CDH1: variants seen among roughly 807,000 people sequenced by gnomAD.
The protein encoded by CDH1 is cadherin 1, also known as cadherin-1.
Under a neutral mutation model 84.5 loss-of-function variants are expected in CDH1, and 35 were observed. The ratio of observed to expected loss-of-function variants is 0.41; its 90% confidence interval spans 0.32 to 0.55. The LOEUF (loss-of-function observed/expected upper bound fraction) is 0.55, where lower values mean the gene tolerates loss of function less well. Among genes scored for constraint, CDH1 ranks in the 20% least tolerant of loss-of-function variants. CDH1 has a pLI of 0.19. For missense variants in CDH1, 994 were observed against 1,126.6 expected, an observed-to-expected ratio of 0.88 and a Z score of 1.68; for synonymous variants, 417 against 439.0, an observed-to-expected ratio of 0.95 and a Z score of 0.63.
At chr16:68,784,186 T>A (rs138344632) in intron 2 of CDH1, among the ~76,000 whole-genome samples, 70 of 151,924 alleles carry the variant, frequency 4.6e-4, no homozygotes, top group African/African-American at 1.4e-3. Flanking sequence ...TTTATGCATG[T>A]AAAATCTATA....
At chr16:68,802,802 T>A (rs907537856) in intron 3 of CDH1, among the ~76,000 whole-genome samples, 1 of 152,106 alleles carries the variant, frequency 6.6e-6, no homozygotes, top group African/African-American at 2.4e-5. Context: ...TTTTGCTTTT[T>A]GTGCTTCCAG....
intron 13 of CDH1, among the ~76,000 whole-genome samples, chr16:68,826,005 A>C (rs1019782581): frequency 4.0e-5 from 6 of 151,656 alleles, no homozygotes; most frequent in Non-Finnish European, 7.4e-5. Context: ...TTTTTTGTAG[A>C]AACAGTGTTT....
chr16:68,740,735 C>T (rs1387371395), intron 2 of CDH1, among the ~76,000 whole-genome samples: 1 of 152,048 alleles, frequency 6.6e-6, no homozygotes, highest in Non-Finnish European at 1.5e-5. Flanking sequence ...AATAGTGACA[C>T]GTATTCACTT....
At chr16:68,776,661 C>T (rs1364863214) in intron 2 of CDH1, among the ~76,000 whole-genome samples, 1 of 152,134 alleles carries the variant, frequency 6.6e-6, no homozygotes, top group Non-Finnish European at 1.5e-5. Flanking sequence ...TGAGTTCCTG[C>T]ACCTGGCATA....
At chr16:68,784,492 G>A (rs1053786412) in intron 2 of CDH1, among the ~76,000 whole-genome samples, 7 of 151,778 alleles carry the variant, frequency 4.6e-5, no homozygotes, top group South Asian at 2.1e-4. Context: ...CCTTTCCACC[G>A]CCCACATGGA....
intron 10 of CDH1, among the ~76,000 whole-genome samples, chr16:68,816,760 A>C (rs1362153482): frequency 2.0e-5 from 3 of 150,138 alleles, no homozygotes; most frequent in Non-Finnish European, 4.5e-5. Flanking sequence ...AAAACAAAAA[A>C]CAAAAAAACT....
intron 13 of CDH1, 86 bp downstream of exon 13, chr16:68,823,712 T>A: frequency 1.1e-6 from 1 of 883,928 alleles, no homozygotes; most frequent in Non-Finnish European, 1.8e-6. Context: ...GTTCTTATAT[T>A]AATAAGGATA....
intron 2 of CDH1, among the ~76,000 whole-genome samples, chr16:68,784,042 C>T (rs756784967): frequency 6.6e-6 from 1 of 152,110 alleles, no homozygotes; most frequent in South Asian, 2.1e-4. Context: ...TTATCCAGCC[C>T]TCTGTCAATG....
At chr16:68,771,887 G>A (rs1959589924) in intron 2 of CDH1, among the ~76,000 whole-genome samples, 3 of 152,210 alleles carry the variant, frequency 2.0e-5, no homozygotes, top group Middle Eastern at 3.4e-3. Flanking sequence ...AGCCCATTGA[G>A]CTTTTATTCT....
intron 5 of CDH1, among the ~76,000 whole-genome samples, chr16:68,809,687 A>G (rs556947271): frequency 6.6e-6 from 1 of 151,906 alleles, no homozygotes; most frequent in South Asian, 2.1e-4. Context: ...CACCACACCC[A>G]GTTAATTTTT....
chr16:68,834,464 G>A lies in CDH1; in HGVS notation c.*965G>A, dbSNP rs934915232. ...ACTCCTGGCCTCAAGCAATCCTTCT[G>A]CCTTGGCCCCCCAAAGTGCTGGGAT... On this transcript the variant is annotated 3_prime_UTR_variant, in exon 16 of 16. Coordinates refer to ENST00000261769, the MANE Select transcript of CDH1 (RefSeq NM_004360.5). The A allele has an allele frequency of 9.2e-5, 29 of 316,358 alleles. No homozygotes were observed. Among genetic ancestry groups the A allele is most frequent in the African/African-American group, 6.2e-4 (29 of 46,540 alleles). 19.6% of individuals were successfully genotyped at this position (316,358 alleles called of 1,614,324 possible).
chr16:68,805,404 G>C (rs559645609), intron 3 of CDH1, among the ~76,000 whole-genome samples: 1 of 152,260 alleles, frequency 6.6e-6, no homozygotes, highest in South Asian at 2.1e-4. Context: ...GAAAATGTTA[G>C]TGTGATGTTT....
At chr16:68,800,902 C>G (rs753970947) in intron 2 of CDH1, among the ~76,000 whole-genome samples, 3 of 152,194 alleles carry the variant, frequency 2.0e-5, no homozygotes, top group Admixed American at 6.5e-5. Flanking sequence ...CTTTGTCCAT[C>G]TCTTCCTCAG....
At chr16:68,751,778 T>G (rs1381475836) in intron 2 of CDH1, among the ~76,000 whole-genome samples, 1 of 148,590 alleles carries the variant, frequency 6.7e-6, no homozygotes, top group Non-Finnish European at 1.5e-5. Flanking sequence ...GCTGGGATTA[T>G]AGGGATGAGC....
intron 13 of CDH1, among the ~76,000 whole-genome samples, chr16:68,824,474 A>G (rs1331703836): frequency 6.6e-6 from 1 of 152,160 alleles, no homozygotes; most frequent in Non-Finnish European, 1.5e-5. Flanking sequence ...GAGGAAGTGG[A>G]GGCCAAACGA....
intron 10 of CDH1, among the ~76,000 whole-genome samples, chr16:68,816,675 A>C (rs74322040): frequency 0.017 from 2,575 of 152,192 alleles, 41 homozygotes; most frequent in Non-Finnish European, 0.025. Context: ...CTTGAACCCA[A>C]AAAGCTGAGG....
chr16:68,808,608 C>G (rs1567504684), intron 4 of CDH1, 41 bp downstream of exon 4: 1 of 1,613,586 alleles, frequency 6.2e-7, no homozygotes, highest in Non-Finnish European at 8.5e-7. Flanking sequence ...AGGGATTTGG[C>G]AGAGAAGTAC....
At chr16:68,828,455 CCAT>C in intron 14 of CDH1, 151 bp downstream of exon 14, 35 of 735,418 alleles carry the variant, frequency 4.8e-5, no homozygotes, top group East Asian at 8.4e-5. Context: ...TTGTCATTGA[CCAT>C]CATCATCATC....
At chr16:68,755,566 A>G (rs1036645835) in intron 2 of CDH1, among the ~76,000 whole-genome samples, 2 of 151,390 alleles carry the variant, frequency 1.3e-5, no homozygotes, top group Non-Finnish European at 2.9e-5. Flanking sequence ...TTTTCTAGAG[A>G]AGGAATCCTG....
Sources: allele counts gnomAD v4.1 joint callset (sites outside exome capture counted in the v4.1 genomes callset), GRCh38; gene constraint gnomAD v4.1.1; transcripts MANE v1.5; gene names NCBI Gene and HGNC (gene_info 2026-07-23, HGNC 2026-07-21).